The following METTL15 variants were observed in gnomAD, a reference collection of about 807,000 sequenced individuals.
METTL15 encodes the protein methyltransferase 15, mitochondrial 12S rRNA N4-cytidine, also known as 12S rRNA N(4)-cytidine methyltransferase METTL15.
METTL15 carries 34 observed loss-of-function variants against 38.3 expected under a neutral mutation model. The observed-to-expected ratio is 0.89, with a 90% CI of 0.68 to 1.18. METTL15 has a LOEUF of 1.18. Ranked by LOEUF, METTL15 falls within the 50% of genes most tolerant of loss-of-function variation. The pLI is 0.00. For synonymous variants in METTL15, 162 were observed against 170.9 expected, an observed-to-expected ratio of 0.95 and a Z score of 0.41; for missense variants, 438 against 498.4, an observed-to-expected ratio of 0.88 and a Z score of 1.15.
chr11:28,476,980 G>A lies in METTL15; in HGVS notation c.*425-49498G>A, dbSNP rs140447035. Among the ~76,000 whole-genome samples the A allele has an allele frequency of 1.5e-3, 229 of 152,188 alleles. 1 individual carries two copies. Among genetic ancestry groups the A allele is most frequent in the African/African-American group, 5.2e-3 (215 of 41,532 alleles). ...GAAATTACCGATAAATTGAGAATGG[G>A]GTTGAAAAAGAAGTCAAGTAGTAAT... is the stretch of plus-strand genomic sequence containing the variant. On this transcript the variant is annotated intron_variant and NMD_transcript_variant, in intron 6 of 7. Coordinates refer to the METTL15 transcript ENST00000532947.
intron 4 of METTL15, among the ~76,000 whole-genome samples, chr11:28,231,239 C>G (rs1354937410): frequency 6.6e-6 from 1 of 151,478 alleles, no homozygotes; most frequent in Non-Finnish European, 1.5e-5. Flanking sequence ...GTGTCAGGAC[C>G]CAAAAACATT....
intron 6 of METTL15, 90 bp downstream of exon 6, chr11:28,297,021 G>T: frequency 1.5e-6 from 2 of 1,295,954 alleles, no homozygotes; most frequent in Non-Finnish European, 2.2e-6. Flanking sequence ...ATGCACATGT[G>T]TGTGTGCATT....
At chr11:28,425,739 A>ATATATATTTTT (rs1299693720) in intron 6 of METTL15, among the ~76,000 whole-genome samples, 14 of 152,282 alleles carry the variant, frequency 9.2e-5, no homozygotes, top group Admixed American at 1.3e-4. Context: ...AAAGGCATAG[A>ATATATATTTTT]TGGTACCTGT....
At chr11:28,187,439 A>G (rs900784586) in intron 3 of METTL15, among the ~76,000 whole-genome samples, 1 of 150,816 alleles carries the variant, frequency 6.6e-6, no homozygotes, top group Non-Finnish European at 1.5e-5. Flanking sequence ...TTAATAATGT[A>G]TAACTCAGGG....
intron 5 of METTL15, among the ~76,000 whole-genome samples, chr11:28,292,311 T>C (rs1292326134): frequency 6.6e-6 from 1 of 150,748 alleles, no homozygotes; most frequent in Non-Finnish European, 1.5e-5. Context: ...ATGTGGTGTT[T>C]GGTTTTTTGT....
intron 3 of METTL15, chr11:28,145,283 C>A (rs908522625): frequency 1.3e-5 from 2 of 151,628 alleles, no homozygotes; most frequent in Non-Finnish European, 2.9e-5. Context: ...TTTATTGCTA[C>A]CTTCATCTCT....
At chr11:28,239,074 C>G (rs1001742630) in intron 4 of METTL15, among the ~76,000 whole-genome samples, 2 of 151,976 alleles carry the variant, frequency 1.3e-5, no homozygotes, top group African/African-American at 2.4e-5. Context: ...TCTATTTACA[C>G]TCATTCCCTC....
chr11:28,182,150 G>A (rs1250580062), intron 3 of METTL15, among the ~76,000 whole-genome samples: 2 of 152,040 alleles, frequency 1.3e-5, no homozygotes, highest in African/African-American at 2.4e-5. Flanking sequence ...TGTAGATTCT[G>A]GATATTAGTC....
At chr11:28,374,149 G>A (rs112766444) in intron 5 of METTL15, among the ~76,000 whole-genome samples, 1 of 152,104 alleles carries the variant, frequency 6.6e-6, no homozygotes, top group Non-Finnish European at 1.5e-5. Flanking sequence ...GGCGATGCGG[G>A]CTCTTTTTTG....
intron 6 of METTL15, among the ~76,000 whole-genome samples, chr11:28,461,747 G>A (rs1054969183): frequency 3.3e-5 from 5 of 151,974 alleles, no homozygotes; most frequent in African/African-American, 1.2e-4. Context: ...CCTTTTTTGT[G>A]TAAGTTTATG....
At chr11:28,155,227 A>AT (rs1850223962) in intron 3 of METTL15, among the ~76,000 whole-genome samples, 1 of 152,090 alleles carries the variant, frequency 6.6e-6, no homozygotes, top group African/African-American at 2.4e-5. Flanking sequence ...ATTCATAATG[A>AT]TTTTTAGAAT....
intron 3 of METTL15, among the ~76,000 whole-genome samples, chr11:28,132,463 CT>C (rs1849370440): frequency 6.6e-6 from 1 of 151,760 alleles, no homozygotes; most frequent in South Asian, 2.1e-4. Context: ...TAATATATTA[CT>C]TATTCTGTGT....
chr11:28,288,780 A>G (rs754450341), intron 4 of METTL15, among the ~76,000 whole-genome samples: 16 of 152,120 alleles, frequency 1.1e-4, no homozygotes, highest in Non-Finnish European at 2.2e-4. Flanking sequence ...GTTTGCCTAT[A>G]TAACAAACCT....
intron 3 of METTL15, among the ~76,000 whole-genome samples, chr11:28,135,391 CTA>C (rs1176566541): frequency 6.6e-6 from 1 of 152,160 alleles, no homozygotes; most frequent in Non-Finnish European, 1.5e-5. Flanking sequence ...CCTCAAATAC[CTA>C]TGAGTTGGGT....
At chr11:28,271,755 AAAG>A (rs1855648355) in intron 4 of METTL15, among the ~76,000 whole-genome samples, 1 of 152,226 alleles carries the variant, frequency 6.6e-6, no homozygotes, top group Non-Finnish European at 1.5e-5. Flanking sequence ...CTGCACAGCG[AAAG>A]AAACTATCAT....
intron 6 of METTL15, among the ~76,000 whole-genome samples, chr11:28,470,903 A>AT (rs528189293): frequency 9.9e-4 from 151 of 152,174 alleles, no homozygotes; most frequent in African/African-American, 3.4e-3. Context: ...ATTTCTTCTT[A>AT]TTATCTACTT....
chr11:28,345,032 A>G (rs932209469), intron 3 of METTL15, among the ~76,000 whole-genome samples: 4 of 152,224 alleles, frequency 2.6e-5, no homozygotes, highest in Non-Finnish European at 4.4e-5. Context: ...CACTTACAGC[A>G]CATCTCAATT....
At chr11:28,234,565 G>T (rs1471245370) in intron 4 of METTL15, among the ~76,000 whole-genome samples, 2 of 151,742 alleles carry the variant, frequency 1.3e-5, no homozygotes, top group African/African-American at 4.8e-5. Context: ...GTGATGATGA[G>T]CATTTTTTCA....
chr11:28,378,763 T>TTTG (rs1850350200), intron 5 of METTL15, among the ~76,000 whole-genome samples: 1 of 85,924 alleles, frequency 1.2e-5, no homozygotes, highest in Admixed American at 1.0e-4. Context: ...CCTCTTCAGT[T>TTTG]TTTTTTTTTT....
Sources: gnomAD v4.1 joint callset for allele counts (sites outside exome capture counted in the v4.1 genomes callset) on GRCh38, gnomAD v4.1.1 for gene constraint, MANE v1.5 for transcripts, NCBI Gene and HGNC (gene_info 2026-07-23, HGNC 2026-07-21) for gene names.